EPB41L3: variants seen among roughly 807,000 people sequenced by gnomAD.
EPB41L3 encodes band 4.1-like protein 3.
In EPB41L3, 57 loss-of-function variants were observed where a neutral mutation model predicts 127.1. The observed-to-expected ratio is 0.45, with a 90% CI of 0.36 to 0.56. EPB41L3 has a LOEUF of 0.56. Ranked by LOEUF, EPB41L3 falls within the 20% of genes least tolerant of loss-of-function variation. EPB41L3 has a pLI of 0.00. For synonymous variants in EPB41L3, 572 were observed against 549.5 expected (o/e 1.04, Z -0.57); for missense variants, 1,273 against 1,372.2 (o/e 0.93, Z 1.14).
intron 16 of EPB41L3, 84 bp downstream of exon 16, chr18:5,406,693 G>A: frequency 2.4e-6 from 3 of 1,244,086 alleles, no homozygotes; most frequent in Non-Finnish European, 3.4e-6. Flanking sequence ...CTACCCAGAA[G>A]ACTGTCAAAT....
chr18:5,495,619 T>G (rs79341454), intron 1 of EPB41L3, among the ~76,000 whole-genome samples: 1 of 145,870 alleles, frequency 6.9e-6, no homozygotes, highest in African/African-American at 2.6e-5. Context: ...AAAAAAAAAA[T>G]CACTAACTTT....
intron 1 of EPB41L3, among the ~76,000 whole-genome samples, chr18:5,526,119 C>G (rs1284385485): frequency 1.3e-5 from 2 of 152,104 alleles, no homozygotes; most frequent in Admixed American, 1.3e-4. Flanking sequence ...TCAAAACATC[C>G]AATTTGCTGT....
At chr18:5,530,932 ATG>A (rs2093392166) in intron 1 of EPB41L3, among the ~76,000 whole-genome samples, 1 of 152,186 alleles carries the variant, frequency 6.6e-6, no homozygotes, top group Non-Finnish European at 1.5e-5. Context: ...TGCTGGAAAT[ATG>A]TATGTACTCA....
Position 5,406,793 on chromosome 18 carries a change from G to A in EPB41L3, c.2333C>T (p.Pro778Leu). 3 of 1,614,032 alleles carry A rather than the reference G, an allele frequency of 1.9e-6. No individual in the cohort carries two copies. Among genetic ancestry groups the A allele is most frequent in the South Asian group, 1.1e-5 (1 of 91,068 alleles). Residue 778 changes from proline to leucine, a missense_variant, in exon 16 of 23, where the codon CCA becomes CTA. Around this residue, in one of 3 missense-constraint regions of EPB41L3, gnomAD observed 765 missense variants for 782.9 expected, o/e 0.98. Transcript: ENST00000341928. The stretch of plus-strand genomic sequence containing the variant: ...ACTACTGACCTCTTCAGGGACAAGT[G>A]GTTCGATCATGGGGGCATCCTCCTG... ...ARQEDAPMIE[P>L]LVPEETKQSS... is the part of the protein sequence containing the mutation.
At chr18:5,523,383 A>G (rs2093077831) in intron 1 of EPB41L3, among the ~76,000 whole-genome samples, 1 of 152,142 alleles carries the variant, frequency 6.6e-6, no homozygotes, top group African/African-American at 2.4e-5. Context: ...ATAAACCAAC[A>G]CTCCAAATTA....
At chr18:5,590,447 C>T (rs983057197) in intron 3 of EPB41L3, among the ~76,000 whole-genome samples, 2 of 152,060 alleles carry the variant, frequency 1.3e-5, no homozygotes, top group Non-Finnish European at 2.9e-5. Context: ...ACACTGCTGT[C>T]GAGGATGCAA....
chr18:5,627,385 C>T (rs1302766009), intron 1 of EPB41L3, among the ~76,000 whole-genome samples: 1 of 152,114 alleles, frequency 6.6e-6, no homozygotes, highest in Non-Finnish European at 1.5e-5. Context: ...AGTGAGATCC[C>T]AGTTTCTCTA....
Position 5,424,365 on chromosome 18 carries a change from T to TA in EPB41L3, c.1066-7dup, listed in dbSNP as rs756741578. 6.2e-4 allele frequency: 959 copies of TA among 1,551,594 alleles called. No homozygotes were observed. The highest frequency in any genetic ancestry group is 1.8e-3 in the African/African-American group (130 of 71,854). Reference sequence around the variant, plus strand: ...GTGCTTTCAAATTGTTCAAACTAAATAAAAAAAAATACATTGAAGAGTAAA... The same window carrying TA: ...GTGCTTTCAAATTGTTCAAACTAAATAAAAAAAAAATACATTGAAGAGTAAA... On this transcript the variant is annotated splice_region_variant and splice_polypyrimidine_tract_variant and intron_variant, in intron 9 of 22. Coordinates refer to ENST00000341928, the MANE Select transcript of EPB41L3 (RefSeq NM_012307.5).
At chr18:5,445,357 G>T in intron 3 of EPB41L3, 113 bp from the exon 4 acceptor site, 1 of 783,324 alleles carries the variant, frequency 1.3e-6, no homozygotes, top group Non-Finnish European at 2.1e-6. Flanking sequence ...ACTTTAGGGA[G>T]TGACCAACAG....
chr18:5,595,310 T>C (rs1041885756), intron 3 of EPB41L3, among the ~76,000 whole-genome samples: 2 of 152,174 alleles, frequency 1.3e-5, no homozygotes, highest in Admixed American at 6.5e-5. Context: ...GAGATTTATA[T>C]GTAGCCCTGG....
At chr18:5,407,967 A>G (rs8086377) in intron 14 of EPB41L3, among the ~76,000 whole-genome samples, 2,559 of 152,330 alleles carry the variant, frequency 0.017, 63 homozygotes, top group African/African-American at 0.057. Context: ...GGTCTTTGGC[A>G]TTTTGACCAG....
chr18:5,469,611 C>T (rs2085712921), intron 3 of EPB41L3, among the ~76,000 whole-genome samples: 1 of 152,128 alleles, frequency 6.6e-6, no homozygotes, highest in Admixed American at 6.6e-5. Flanking sequence ...GCGGAATGAG[C>T]CCAATGGGCC....
At chr18:5,503,237 TAATACATCTGA>T (rs2091891885) in intron 1 of EPB41L3, among the ~76,000 whole-genome samples, 1 of 152,172 alleles carries the variant, frequency 6.6e-6, no homozygotes, top group South Asian at 2.1e-4. Context: ...TAATATAATT[TAATACATCTGA>T]AATACACCTA....
At chr18:5,532,684 C>G (rs2093448384) in intron 1 of EPB41L3, among the ~76,000 whole-genome samples, 1 of 152,068 alleles carries the variant, frequency 6.6e-6, no homozygotes, top group Admixed American at 6.6e-5. Flanking sequence ...GATGCTTGAA[C>G]TAGAATATTT....
chr18:5,630,464 G>T (rs370010514), upstream of EPB41L3: 2 of 518,952 alleles, frequency 3.9e-6, no homozygotes, highest in Admixed American at 1.9e-5. Flanking sequence ...AAAAAGTAGC[G>T]CAAGGGCAGA....
intron 2 of EPB41L3, among the ~76,000 whole-genome samples, chr18:5,486,939 T>G (rs1368050455): frequency 6.6e-6 from 1 of 152,046 alleles, no homozygotes; most frequent in African/African-American, 2.4e-5. Context: ...AAACTAAAAA[T>G]AGAACTATCA....
intron 3 of EPB41L3, among the ~76,000 whole-genome samples, chr18:5,461,734 AC>A (rs930181980): frequency 2.6e-5 from 4 of 152,302 alleles, no homozygotes; most frequent in African/African-American, 7.2e-5. Flanking sequence ...GAAAATATCC[AC>A]AATAGCAATC....
intron 1 of EPB41L3, among the ~76,000 whole-genome samples, chr18:5,515,710 G>T (rs1231736577): frequency 6.6e-6 from 1 of 152,188 alleles, no homozygotes; most frequent in African/African-American, 2.4e-5. Context: ...AAACACAGTT[G>T]TAAGTCAAAA....
intron 3 of EPB41L3, chr18:5,610,123 AAC>A (rs1373638237): frequency 8.1e-6 from 8 of 985,332 alleles, no homozygotes; most frequent in Middle Eastern, 5.2e-4. Flanking sequence ...CAACAGCTTA[AAC>A]ACAGATTTCA....
Sources: gnomAD v4.1 joint callset for allele counts (sites outside exome capture counted in the v4.1 genomes callset) on GRCh38, gnomAD v4.1.1 for gene constraint, gnomAD v4.1.1 regional missense constraint, MANE v1.5 for transcripts, NCBI Gene and HGNC (gene_info 2026-07-23, HGNC 2026-07-21) for gene names.